TLN2: variants seen among roughly 807,000 people sequenced by gnomAD.
TLN2 encodes the protein talin-2.
Under a neutral mutation model 294.7 loss-of-function variants are expected in TLN2, and 118 were observed. The observed-to-expected ratio is 0.40, with a 90% CI of 0.34 to 0.47. The LOEUF (loss-of-function observed/expected upper bound fraction) is 0.47, where lower values mean the gene tolerates loss of function less well. Ranked by LOEUF, TLN2 falls within the 20% of genes least tolerant of loss-of-function variation. TLN2 has a pLI of 0.84. For missense variants in TLN2, 3,083 were observed against 3,282.2 expected, an observed-to-expected ratio of 0.94 and a Z score of 1.48; for synonymous variants, 1,431 against 1,304.5, an observed-to-expected ratio of 1.10 and a Z score of -2.09.
chr15:62,555,519 T>C (rs1424174752), intron 1 of TLN2, among the ~76,000 whole-genome samples: 3 of 152,368 alleles, frequency 2.0e-5, no homozygotes, highest in East Asian at 1.9e-4. Flanking sequence ...TTATGAAATA[T>C]AGGTTTTAAC....
intron 3 of TLN2, among the ~76,000 whole-genome samples, chr15:62,629,630 C>T (rs1366829304): frequency 1.3e-5 from 2 of 152,130 alleles, no homozygotes; most frequent in Non-Finnish European, 2.9e-5. Context: ...GCCATGAGCC[C>T]TTGGAGGATA....
chr15:62,651,855 C>T lies in TLN2; in HGVS notation c.235-150C>T, dbSNP rs1056495555. On this transcript the variant is annotated intron_variant, in intron 5 of 58. Coordinates refer to ENST00000636159, the MANE Select transcript of TLN2 (RefSeq NM_015059.3). ...CGTAGTGGCAACAATCCCCTGAAAACTTTGAAAGGTTTTCAAAGATGTTTT... is the reference window on the plus strand; with the variant it reads ...CGTAGTGGCAACAATCCCCTGAAAATTTTGAAAGGTTTTCAAAGATGTTTT... 11 of 994,822 alleles carry T rather than the reference C, an allele frequency of 1.1e-5. No individual in the cohort carries two copies. In the African/African-American group the frequency reaches 1.8e-4, roughly 16 times the overall value. The allele number at this position is 994,822 out of a possible 1,614,324, so 61.6% of individuals were successfully genotyped here.
At chr15:62,646,950 C>T (rs917147283) in intron 3 of TLN2, among the ~76,000 whole-genome samples, 8 of 152,152 alleles carry the variant, frequency 5.3e-5, no homozygotes, top group Admixed American at 2.6e-4. Flanking sequence ...AAATTCCACT[C>T]CTAGGACCTT....
intron 1 of TLN2, among the ~76,000 whole-genome samples, chr15:62,552,510 A>C (rs1324625142): frequency 1.3e-5 from 2 of 152,180 alleles, no homozygotes; most frequent in African/African-American, 2.4e-5. Flanking sequence ...CATACTGTAC[A>C]CAAGTGTCCT....
chr15:62,710,660 G>C (rs1016501991), intron 21 of TLN2, among the ~76,000 whole-genome samples: 1 of 148,822 alleles, frequency 6.7e-6, no homozygotes, highest in Non-Finnish European at 1.5e-5. Flanking sequence ...TGGTATTTTA[G>C]TGAACCACTA....
At chr15:62,722,045 A>T (rs2060179688) in intron 25 of TLN2, among the ~76,000 whole-genome samples, 1 of 152,142 alleles carries the variant, frequency 6.6e-6, no homozygotes, top group Non-Finnish European at 1.5e-5. Context: ...AATACAGTGA[A>T]ACCTATTTAA....
At chr15:62,490,038 C>T (rs2038623116) in intron 1 of TLN2, among the ~76,000 whole-genome samples, 1 of 152,180 alleles carries the variant, frequency 6.6e-6, no homozygotes, top group Non-Finnish European at 1.5e-5. Flanking sequence ...GCATTGCATT[C>T]GGGGGTAATT....
chr15:62,807,950 C>G (rs577917386), intron 51 of TLN2, among the ~76,000 whole-genome samples: 4 of 152,092 alleles, frequency 2.6e-5, no homozygotes, highest in African/African-American at 4.8e-5. Flanking sequence ...GGCCTCTGGC[C>G]GAAAGGGAGC....
rs1049769292 is a variant in TLN2 at position 62,702,157 on chromosome 15, C to A, written c.1862C>A (p.Ala621Glu). 1 of 1,611,484 alleles carries A rather than the reference C, an allele frequency of 6.2e-7. No homozygotes were observed. The highest frequency in any genetic ancestry group is 1.3e-5 in the African/African-American group (1 of 75,006). The change falls in exon 18 of 59, where the codon GCG becomes GAG. Residue 621 changes from alanine (A) to glutamate (E), a missense_variant. Coordinates refer to ENST00000636159, the MANE Select transcript of TLN2 (RefSeq NM_015059.3). ...AGAGCTGCCAGGACCCTCGCTGGGG[C>A]GGTGTCAGACTTGCTGAAAGCTGTG... ...LLRAARTLAG[A>E]VSDLLKAVQP...
intron 1 of TLN2, among the ~76,000 whole-genome samples, chr15:62,579,384 T>C (rs961761976): frequency 6.6e-6 from 1 of 152,154 alleles, no homozygotes; most frequent in African/African-American, 2.4e-5. Context: ...GACAGGTTCT[T>C]ATTTATGGAA....
intron 12 of TLN2, among the ~76,000 whole-genome samples, chr15:62,691,208 T>G (rs550462856): frequency 6.6e-6 from 1 of 152,334 alleles, no homozygotes; most frequent in East Asian, 1.9e-4. Context: ...CACTGTCCTC[T>G]CCTGTTACTC....
At chr15:62,479,672 G>C (rs545073706) in intron 1 of TLN2, among the ~76,000 whole-genome samples, 27 of 152,138 alleles carry the variant, frequency 1.8e-4, no homozygotes, top group Non-Finnish European at 3.2e-4. Context: ...TTTTAGTAGC[G>C]ACGGGGTTTT....
At chr15:62,404,895 G>A (rs2140243309) in intron 1 of TLN2, among the ~76,000 whole-genome samples, 1 of 152,346 alleles carries the variant, frequency 6.6e-6, no homozygotes, top group South Asian at 2.1e-4. Flanking sequence ...CAGCCACAAA[G>A]CAGTTAGGTT....
At chr15:62,727,244 TG>T in intron 28 of TLN2, 55 bp downstream of exon 28, 1 of 1,504,030 alleles carries the variant, frequency 6.6e-7, no homozygotes, top group Non-Finnish European at 9.1e-7. Context: ...CTGGGTGTAG[TG>T]GGGGAGGAGG....
At chr15:62,476,443 A>G (rs2037788462) in intron 1 of TLN2, 1 of 152,204 alleles carries the variant, frequency 6.6e-6, no homozygotes, top group African/African-American at 2.4e-5. Flanking sequence ...CTACTTCGCA[A>G]GCAGCTCTAG....
At chr15:62,463,827 C>G (rs1222731848) in intron 1 of TLN2, among the ~76,000 whole-genome samples, 4 of 152,164 alleles carry the variant, frequency 2.6e-5, no homozygotes, top group African/African-American at 9.7e-5. Context: ...GCAGAGCATG[C>G]AGTGAGCTGA....
chr15:62,646,102 G>A (rs2051795180), intron 3 of TLN2, among the ~76,000 whole-genome samples: 1 of 152,046 alleles, frequency 6.6e-6, no homozygotes, highest in Non-Finnish European at 1.5e-5. Flanking sequence ...AAGCATTTAT[G>A]AGCAAGTTCA....
intron 1 of TLN2, among the ~76,000 whole-genome samples, chr15:62,538,134 T>C (rs541290633): frequency 6.6e-6 from 1 of 152,028 alleles, no homozygotes; most frequent in Non-Finnish European, 1.5e-5. Flanking sequence ...GGTGGGAGAA[T>C]TGTTTGAACC....
chr15:62,618,999 CA>C (rs1950087411), intron 3 of TLN2, among the ~76,000 whole-genome samples: 1 of 152,144 alleles, frequency 6.6e-6, no homozygotes, highest in African/African-American at 2.4e-5. Flanking sequence ...GAAAGCAAAT[CA>C]GCATTTCTGT....
Sources: allele counts gnomAD v4.1 joint callset (sites outside exome capture counted in the v4.1 genomes callset), GRCh38; gene constraint gnomAD v4.1.1; transcripts MANE v1.5; gene names NCBI Gene and HGNC (gene_info 2026-07-23, HGNC 2026-07-21).